Variants in RAPGEF2 observed in about 807,000 individuals in gnomAD.
RAPGEF2 encodes Rap guanine nucleotide exchange factor 2.
Under a neutral mutation model 186.7 loss-of-function variants are expected in RAPGEF2, and 54 were observed. That is an observed-to-expected ratio of 0.29 (90% CI 0.23 to 0.36). The LOEUF (loss-of-function observed/expected upper bound fraction) is 0.36. Ranked by LOEUF, RAPGEF2 falls within the 10% of genes least tolerant of loss-of-function variation. The pLI is 1.00. For missense variants in RAPGEF2, 1,532 were observed against 2,045.0 expected, an observed-to-expected ratio of 0.75 and a Z score of 4.84; for synonymous variants, 712 against 705.9, an observed-to-expected ratio of 1.01 and a Z score of -0.14.
Position 159,220,665 on chromosome 4 carries a change from C to T in RAPGEF2, c.281+10082C>T, listed in dbSNP as rs564691030. On this transcript the variant is annotated intron_variant, in intron 4 of 29. Coordinates refer to ENST00000691494, the MANE Select transcript of RAPGEF2 (RefSeq NM_001394067.2). ...CCACATTGTTATCACCTTCCCCCTACTCTGTGAATTTCTTTGGGAAGTCTA... is the reference window on the plus strand; with the variant it reads ...CCACATTGTTATCACCTTCCCCCTATTCTGTGAATTTCTTTGGGAAGTCTA... 7.2e-5 allele frequency among the ~76,000 whole-genome samples: 11 copies of T among 152,302 alleles called. 1 individual carries two copies. The South Asian group carries it at 2.3e-3, about 32-fold the overall frequency.
chr4:159,165,807 G>C (rs966659579), intron 1 of RAPGEF2, among the ~76,000 whole-genome samples: 4 of 152,062 alleles, frequency 2.6e-5, no homozygotes, highest in African/African-American at 9.7e-5. Flanking sequence ...TGCCCAGGCT[G>C]GTCTCGAATT....
chr4:159,120,631 A>G (rs1262006335), intron 1 of RAPGEF2, among the ~76,000 whole-genome samples: 4 of 152,216 alleles, frequency 2.6e-5, no homozygotes. Context: ...TAATGTCTAG[A>G]AATTTTACTG....
At chr4:159,335,665 C>G (rs1285023692) in intron 17 of RAPGEF2, among the ~76,000 whole-genome samples, 1 of 151,990 alleles carries the variant, frequency 6.6e-6, no homozygotes, top group African/African-American at 2.4e-5. Flanking sequence ...GAAACCCCGT[C>G]TCTACTAAAA....
Position 159,156,988 on chromosome 4 carries a change from T to C in RAPGEF2, c.70-29654T>C, listed in dbSNP as rs370529139. Among the ~76,000 whole-genome samples the C allele has an allele frequency of 5.5e-4, 84 of 152,286 alleles. 3 individuals are homozygous for C. The South Asian group carries it at 0.017, about 31-fold the overall frequency. On this transcript the variant is annotated intron_variant, in intron 1 of 29. Transcript: ENST00000691494. ...ACCCAATTTACAGCTAAAGAGGGGC[T>C]CAGGAATATGTATTATTTAAGAAGC...
chr4:159,113,511 C>T (rs1183193253), intron 1 of RAPGEF2, among the ~76,000 whole-genome samples: 5 of 151,992 alleles, frequency 3.3e-5, no homozygotes, highest in African/African-American at 4.8e-5. Flanking sequence ...AAGACTGAGG[C>T]GGGTGGATCA....
In RAPGEF2 at chr4:159,352,786, T is replaced by C. The variant is rs751900646; in HGVS notation, c.3967T>C (p.Ser1323Pro). 8 of 1,614,244 alleles carry C rather than the reference T, an allele frequency of 5.0e-6. No homozygotes were observed. Among genetic ancestry groups the C allele is most frequent in the Non-Finnish European group, 6.8e-6 (8 of 1,180,036 alleles). The change falls in exon 27 of 30, where the codon TCA becomes CCA. Residue 1323 changes from serine (S) to proline (P), a missense_variant. Physicochemically the swap from Ser to Pro is moderately conservative, Grantham distance 74. Around this residue, in one of 4 missense-constraint regions of RAPGEF2, gnomAD observed 594 missense variants for 608.5 expected, o/e 0.98. Coordinates refer to ENST00000691494, the MANE Select transcript of RAPGEF2 (RefSeq NM_001394067.2). ...TATTGTTAGCAATTCGTCTTTTGACTCAGTGCCAGTCTCACTGCACGATGA... is the reference window on the plus strand; with the variant it reads ...TATTGTTAGCAATTCGTCTTTTGACCCAGTGCCAGTCTCACTGCACGATGA... ...SSIVSNSSFD[S>P]VPVSLHDERR...
At chr4:159,310,644 T>C (rs747751639) in intron 8 of RAPGEF2, among the ~76,000 whole-genome samples, 2 of 99,562 alleles carry the variant, frequency 2.0e-5, no homozygotes, top group African/African-American at 3.7e-5. Context: ...TAAAAGAATA[T>C]CACTATTTAA....
chr4:159,325,443 A>G (rs1345306147), intron 11 of RAPGEF2, among the ~76,000 whole-genome samples: 2 of 152,198 alleles, frequency 1.3e-5, no homozygotes, highest in Non-Finnish European at 2.9e-5. Flanking sequence ...ACTCTTAAAA[A>G]AAAACTAATC....
intron 4 of RAPGEF2, among the ~76,000 whole-genome samples, chr4:159,214,151 C>T (rs1406756697): frequency 6.6e-6 from 1 of 152,004 alleles, no homozygotes; most frequent in Non-Finnish European, 1.5e-5. Flanking sequence ...GAATATTTGC[C>T]ATAGGTGAAT....
rs1316999952 is a variant in RAPGEF2 at position 159,334,180 on chromosome 4, A to G, written c.2135+1483A>G. ...CAGAAAATACGAATCAATTTTTAAA[A>G]TAACCTTCGTTGATGAAAACCTTAT... On this transcript the variant is annotated intron_variant, in intron 17 of 29. Coordinates refer to ENST00000691494, the MANE Select transcript of RAPGEF2 (RefSeq NM_001394067.2). Among the ~76,000 whole-genome samples, 3 of 152,232 alleles carry G rather than the reference A, an allele frequency of 2.0e-5. No homozygotes were observed. The South Asian group carries it at 6.2e-4, about 32-fold the overall frequency.
Position 159,344,035 on chromosome 4 carries a change from G to A in RAPGEF2, c.3255-1G>A. On this transcript the variant is annotated splice_acceptor_variant, in intron 22 of 29. Transcript: ENST00000691494. LOFTEE classifies it high-confidence loss of function. ...TCAATCTCCATGGCTCTCACTTACA[G>A]GAAGAAGAAATGGCGGAGTTTGGGG... 6.5e-7 allele frequency: 1 copy of A among 1,534,886 alleles called. No individual in the cohort carries two copies. The highest frequency in any genetic ancestry group is 9.0e-7 in the Non-Finnish European group (1 of 1,108,028).
At chr4:159,246,223 A>G (rs919209924) in intron 7 of RAPGEF2, among the ~76,000 whole-genome samples, 1 of 152,158 alleles carries the variant, frequency 6.6e-6, no homozygotes, top group Non-Finnish European at 1.5e-5. Flanking sequence ...ATGAGGCTTA[A>G]TGTTCTTAGA....
At chr4:159,119,640 ACTT>A (rs1465881521) in intron 1 of RAPGEF2, among the ~76,000 whole-genome samples, 3 of 152,198 alleles carry the variant, frequency 2.0e-5, no homozygotes, top group Non-Finnish European at 4.4e-5. Flanking sequence ...GGTATATTCA[ACTT>A]CTTGGTTCGC....
intron 7 of RAPGEF2, among the ~76,000 whole-genome samples, chr4:159,274,427 TAAA>T (rs1222209905): frequency 1.3e-5 from 2 of 152,190 alleles, no homozygotes; most frequent in Non-Finnish European, 2.9e-5. Context: ...AAAAATATTT[TAAA>T]AATAAAACGA....
chr4:159,281,323 C>T (rs1297015827), intron 7 of RAPGEF2, among the ~76,000 whole-genome samples: 2 of 151,968 alleles, frequency 1.3e-5, no homozygotes, highest in African/African-American at 4.8e-5. Flanking sequence ...TGATTTCTCC[C>T]TTCAAAATGG....
chr4:159,194,683 C>T (rs886501342), intron 3 of RAPGEF2, among the ~76,000 whole-genome samples: 1 of 150,982 alleles, frequency 6.6e-6, no homozygotes, highest in Admixed American at 6.6e-5. Flanking sequence ...AGTTTTTGTC[C>T]TTTTTTTTTA....
intron 7 of RAPGEF2, among the ~76,000 whole-genome samples, chr4:159,249,295 T>C (rs2111503462): frequency 6.6e-6 from 1 of 151,914 alleles, no homozygotes; most frequent in Admixed American, 6.5e-5. Context: ...CTTTTTTTTT[T>C]TTTTTTTGAA....
At chr4:159,349,820 T>C (rs1237320560) in intron 25 of RAPGEF2, among the ~76,000 whole-genome samples, 1 of 152,200 alleles carries the variant, frequency 6.6e-6, no homozygotes, top group Non-Finnish European at 1.5e-5. Context: ...CCATTTTTTC[T>C]TCATTGTTGC....
chr4:159,332,027 T>A lies in RAPGEF2; in HGVS notation c.1881T>A (p.Asn627Lys). 6.4e-7 allele frequency: 1 copy of A among 1,574,676 alleles called. No individual in the cohort carries two copies. The change falls in exon 16 of 30, where the codon AAT becomes AAA. Residue 627 changes from asparagine to lysine, a missense_variant. Asn to Lys is a moderately conservative substitution (Grantham distance 94). Transcript: ENST00000691494. ...ATTTATCTATCACTGTGAAAACCAA[T>A]TTATTTGGTAAGTATTTTGCATACT... The part of the protein sequence containing the change: ...NTHLSITVKT[N>K]LFVFKELLTR...
Sources: gnomAD v4.1 joint callset for allele counts (sites outside exome capture counted in the v4.1 genomes callset) on GRCh38, gnomAD v4.1.1 for gene constraint, gnomAD v4.1.1 regional missense constraint, MANE v1.5 for transcripts, NCBI Gene and HGNC (gene_info 2026-07-23, HGNC 2026-07-21) for gene names.